MALRD1: variants seen among roughly 807,000 people sequenced by gnomAD.
MALRD1 encodes the protein MAM and LDL-receptor class A domain-containing protein 1.
MALRD1 carries 247 observed loss-of-function variants against 242.1 expected under a neutral mutation model. That is an observed-to-expected ratio of 1.02 (90% CI 0.92 to 1.13). MALRD1 has a LOEUF of 1.13. Among genes scored for constraint, MALRD1 ranks in the 50% most tolerant of loss-of-function variants. The probability of loss-of-function intolerance (pLI) is 0.00; values close to 1 mark genes in which losing one functional copy is unlikely to be tolerated. For missense variants in MALRD1, 2,989 were observed against 2,533.1 expected (o/e 1.18, Z -3.86); for synonymous variants, 995 against 866.6 (o/e 1.15, Z -2.60).
At chr10:19,524,281 G>A (rs1833999542) in intron 31 of MALRD1, among the ~76,000 whole-genome samples, 1 of 152,058 alleles carries the variant, frequency 6.6e-6, no homozygotes, top group South Asian at 2.1e-4. Context: ...TTCGAGATCA[G>A]CCTGGCCAAT....
At chr10:19,164,515 G>A (rs1389286318) in intron 12 of MALRD1, among the ~76,000 whole-genome samples, 2 of 152,142 alleles carry the variant, frequency 1.3e-5, no homozygotes, top group African/African-American at 2.4e-5. Context: ...ATCTTTAAAT[G>A]TTGGGTTTTT....
intron 28 of MALRD1, among the ~76,000 whole-genome samples, chr10:19,394,684 G>A (rs547137043): frequency 6.6e-6 from 1 of 152,288 alleles, no homozygotes; most frequent in East Asian, 1.9e-4. Context: ...TTACAACACA[G>A]ATTGAGTATT....
At chr10:19,482,655 A>ACG (rs2131183092) in intron 29 of MALRD1, among the ~76,000 whole-genome samples, 1 of 117,618 alleles carries the variant, frequency 8.5e-6, no homozygotes, top group Admixed American at 8.1e-5. Flanking sequence ...CAATAGCTAC[A>ACG]CACACACACA....
intron 38 of MALRD1, among the ~76,000 whole-genome samples, chr10:19,719,677 T>C (rs1313513780): frequency 6.6e-6 from 1 of 152,212 alleles, no homozygotes; most frequent in Non-Finnish European, 1.5e-5. Flanking sequence ...TGGTTGTGTT[T>C]GCAAATGCAG....
At chr10:19,221,649 A>G (rs1398632478) in intron 18 of MALRD1, among the ~76,000 whole-genome samples, 1 of 152,192 alleles carries the variant, frequency 6.6e-6, no homozygotes, top group African/African-American at 2.4e-5. Flanking sequence ...GTGTATGGGC[A>G]AGAAAACACA....
chr10:19,323,550 T>C (rs757997531), intron 21 of MALRD1, among the ~76,000 whole-genome samples: 1 of 152,158 alleles, frequency 6.6e-6, no homozygotes, highest in African/African-American at 2.4e-5. Flanking sequence ...CATTATACTT[T>C]TAGGAAAAAA....
At position 19,518,036 on chromosome 10, in the gene MALRD1, C is replaced by T. The variant is rs559900022; in HGVS notation, c.5321-13158C>T. Among the ~76,000 whole-genome samples, 156 of 152,322 alleles carry T rather than the reference C, an allele frequency of 1.0e-3. 1 individual carries two copies. Among genetic ancestry groups the T allele is most frequent in the Non-Finnish European group, 1.8e-3 (121 of 68,032 alleles). On this transcript the variant is annotated intron_variant, in intron 31 of 39. Coordinates refer to ENST00000454679, the MANE Select transcript of MALRD1 (RefSeq NM_001142308.3). ...TTTGAGCAAGTTTTTATGAGCCAAA[C>T]ACAGAAGCACTTTAGGGAATCCCCT... is the stretch of plus-strand genomic sequence containing the variant.
chr10:19,235,578 C>CAGAGAGAGAGAGAGAGAGAGAGAG (rs34117417), intron 18 of MALRD1, among the ~76,000 whole-genome samples: 7 of 132,396 alleles, frequency 5.3e-5, no homozygotes, highest in African/African-American at 1.8e-4. Context: ...CCCACACCCA[C>CAGAGAGAGAGAGAGAGAGAGAGAG]AGAGAGAGAG....
intron 32 of MALRD1, among the ~76,000 whole-genome samples, chr10:19,555,575 C>G (rs1386720246): frequency 2.0e-5 from 3 of 152,166 alleles, no homozygotes; most frequent in South Asian, 4.1e-4. Context: ...TAACCTTATG[C>G]TAGAGCATAA....
chr10:19,235,036 G>A (rs1477844204), intron 18 of MALRD1, among the ~76,000 whole-genome samples: 1 of 152,170 alleles, frequency 6.6e-6, no homozygotes, highest in Non-Finnish European at 1.5e-5. Flanking sequence ...GGTTTATAAA[G>A]CGTGAGTCAG....
chr10:19,143,558 AT>A (rs1833621219), intron 10 of MALRD1, among the ~76,000 whole-genome samples: 1 of 152,346 alleles, frequency 6.6e-6, no homozygotes, highest in Admixed American at 6.5e-5. Context: ...AGTATTAATT[AT>A]TATACTAGGA....
intron 1 of MALRD1, among the ~76,000 whole-genome samples, chr10:19,061,555 G>C (rs1834823163): frequency 6.6e-6 from 1 of 152,126 alleles, no homozygotes. Context: ...TTATTAAAAA[G>C]CTACAGTACC....
chr10:19,148,775 A>G (rs1243936502), intron 11 of MALRD1, among the ~76,000 whole-genome samples: 2 of 77,242 alleles, frequency 2.6e-5, no homozygotes, highest in Admixed American at 1.8e-4. Flanking sequence ...GGGCCAATTA[A>G]AAAAAAAAAA....
chr10:19,374,557 A>C (rs529152944), intron 26 of MALRD1, among the ~76,000 whole-genome samples: 16 of 152,328 alleles, frequency 1.1e-4, no homozygotes, highest in African/African-American at 3.8e-4. Flanking sequence ...AGTGATTTGA[A>C]GTATCACTTA....
At chr10:19,248,995 T>A (rs1839183859) in intron 18 of MALRD1, among the ~76,000 whole-genome samples, 1 of 147,002 alleles carries the variant, frequency 6.8e-6, no homozygotes, top group African/African-American at 2.5e-5. Flanking sequence ...GTTATATATT[T>A]ATATTAAATA....
intron 33 of MALRD1, among the ~76,000 whole-genome samples, chr10:19,580,612 A>G (rs1019138933): frequency 1.3e-5 from 2 of 152,208 alleles, no homozygotes; most frequent in Non-Finnish European, 2.9e-5. Flanking sequence ...GTATACATAC[A>G]TAAGTGCATT....
At position 19,546,940 on chromosome 10, in the gene MALRD1, T is replaced by C. The variant is rs897074418; in HGVS notation, c.5478+15589T>C. ...TATTTACAACTTTTGAAGAACCTACTAAAAGAACAGTAATTCAGCTTAGAA... is the reference window on the plus strand; with the variant it reads ...TATTTACAACTTTTGAAGAACCTACCAAAAGAACAGTAATTCAGCTTAGAA... On this transcript the variant is annotated intron_variant, in intron 32 of 39. Coordinates refer to ENST00000454679, the MANE Select transcript of MALRD1 (RefSeq NM_001142308.3). 2.0e-5 allele frequency among the ~76,000 whole-genome samples: 3 copies of C among 152,302 alleles called. 1 individual carries two copies. The South Asian group carries it at 6.2e-4, about 32-fold the overall frequency.
intron 29 of MALRD1, among the ~76,000 whole-genome samples, chr10:19,476,770 C>T (rs971358527): frequency 6.6e-6 from 1 of 152,126 alleles, no homozygotes; most frequent in African/African-American, 2.4e-5. Context: ...TTTTACAACA[C>T]TCTAATTATG....
chr10:19,266,712 A>G (rs371613182), intron 19 of MALRD1, among the ~76,000 whole-genome samples: 1 of 152,038 alleles, frequency 6.6e-6, no homozygotes, highest in Admixed American at 6.5e-5. Context: ...ATATGTAAAT[A>G]AATTCTTATT....
Sources: allele counts gnomAD v4.1 joint callset (sites outside exome capture counted in the v4.1 genomes callset), GRCh38; gene constraint gnomAD v4.1.1; transcripts MANE v1.5; gene names NCBI Gene and HGNC (gene_info 2026-07-23, HGNC 2026-07-21).